Variants in CAPN11 observed in about 807,000 individuals in gnomAD.
CAPN11 encodes the protein calpain 11.
Under a neutral mutation model 105.3 loss-of-function variants are expected in CAPN11, and 108 were observed. The observed-to-expected ratio is 1.03, with a 90% CI of 0.88 to 1.20. The LOEUF (loss-of-function observed/expected upper bound fraction) is 1.20. Among genes scored for constraint, CAPN11 ranks in the 50% most tolerant of loss-of-function variants. The pLI is 0.00. For synonymous variants in CAPN11, 329 were observed against 344.5 expected (o/e 0.96, Z 0.50); for missense variants, 883 against 924.8 (o/e 0.95, Z 0.59).
chr6:44,180,695 G>C (rs374124423), intron 16 of CAPN11, 33 bp downstream of exon 16: 4 of 1,613,632 alleles, frequency 2.5e-6, no homozygotes, highest in Non-Finnish European at 3.4e-6. Flanking sequence ...GCTGACAGGA[G>C]GGGGATGAGG....
Position 44,181,429 on chromosome 6 carries a change from CACA to C in CAPN11, c.1938+110_1938+112del, listed in dbSNP as rs1773140876. 3.2e-5 allele frequency: 24 copies of C among 739,164 alleles called. 7 individuals carry two copies. The highest frequency in any genetic ancestry group is 1.5e-4 in the South Asian group (9 of 61,224). The allele number at this position is 739,164 out of a possible 1,614,324, so 45.8% of individuals were successfully genotyped here. A position where few individuals can be genotyped will look rare whatever the true frequency, so the allele number is the denominator to read the frequency against. Reference sequence around the variant, plus strand: ...CCCAAGCCCTAACCACACACACACACACACCCAACCACACCACACTCACACACA... The same window carrying C: ...CCCAAGCCCTAACCACACACACACACCCCAACCACACCACACTCACACACA... On this transcript the variant is annotated intron_variant, in intron 19 of 22. Transcript: ENST00000398776.
chr6:44,182,285 CCACACA>C (rs70993439), intron 19 of CAPN11, among the ~76,000 whole-genome samples: 40 of 59,282 alleles, frequency 6.7e-4, no homozygotes, highest in South Asian at 1.5e-3. Context: ...CACAACCACA[CCACACA>C]CACACACACA....
chr6:44,173,862 G>T (rs1167382090), intron 7 of CAPN11, among the ~76,000 whole-genome samples: 1 of 152,124 alleles, frequency 6.6e-6, no homozygotes, highest in Non-Finnish European at 1.5e-5. Context: ...GGGATTACAG[G>T]CATGAGCCAC....
At position 44,181,033 on chromosome 6, in the gene CAPN11, C is replaced by A. The variant is rs775524713; in HGVS notation, c.1869+36C>A. 2.5e-6 allele frequency: 4 copies of A among 1,588,108 alleles called. No homozygotes were observed. In the South Asian group the frequency reaches 4.4e-5, roughly 18 times the overall value. On this transcript the variant is annotated intron_variant, in intron 18 of 22. Transcript: ENST00000398776. ...GTCCAGTGCTCTCTTGGCCCTGTCCCCTGCCCACAAGCCTGGCCCAGAGAT... is the reference window on the plus strand; with the variant it reads ...GTCCAGTGCTCTCTTGGCCCTGTCCACTGCCCACAAGCCTGGCCCAGAGAT...
At chr6:44,181,091 G>C in intron 18 of CAPN11, 94 bp downstream of exon 18, 1 of 1,266,620 alleles carries the variant, frequency 7.9e-7, no homozygotes, top group Non-Finnish European at 1.2e-6. Flanking sequence ...CCTCCTCCCT[G>C]ATGGGGATTA....
chr6:44,179,597 C>G, intron 12 of CAPN11, 22 bp from the exon 13 acceptor site: 1 of 1,612,052 alleles, frequency 6.2e-7, no homozygotes, highest in Non-Finnish European at 8.5e-7. Flanking sequence ...AGATCTGACT[C>G]TCCTCTTTCT....
chr6:44,176,228 C>G (rs745583500), intron 8 of CAPN11, 25 bp from the exon 9 acceptor site: 1 of 1,612,178 alleles, frequency 6.2e-7, no homozygotes, highest in Admixed American at 1.7e-5. Flanking sequence ...ATAACTCTGA[C>G]CTTTAACCAC....
intron 1 of CAPN11, among the ~76,000 whole-genome samples, chr6:44,166,249 T>C (rs1370656289): frequency 2.0e-5 from 3 of 152,172 alleles, no homozygotes; most frequent in African/African-American, 7.2e-5. Flanking sequence ...TCTGCCAGCC[T>C]TCAGGCTGAG....
rs761183830 is a variant in CAPN11, at chr6:44,169,504, G to A, written c.312G>A (p.Val104=). The change falls in exon 3 of 23, where the codon GTG becomes GTA. Residue 104 remains valine, a synonymous_variant. Coordinates refer to ENST00000398776, the MANE Select transcript of CAPN11 (RefSeq NM_007058.4). ...ACCTGGGCCCCAACTCCAAAAATGT[G>A]CAGAACATCTCCTGGCAGCGGCCCA... ...FKDLGPNSKN[V]QNISWQRPKD... The A allele has an allele frequency of 3.1e-6, 5 of 1,598,420 alleles. No individual in the cohort carries two copies. Among genetic ancestry groups the A allele is most frequent in the South Asian group, 1.1e-5 (1 of 88,464 alleles).
chr6:44,180,231 G>A (rs1284255966), intron 14 of CAPN11, 68 bp downstream of exon 14: 16 of 1,201,290 alleles, frequency 1.3e-5, no homozygotes, highest in Non-Finnish European at 1.8e-5. Context: ...AGCTCAGGGA[G>A]CTGCTGTCGG....
At chr6:44,181,705 A>T (rs1206821010) in intron 19 of CAPN11, among the ~76,000 whole-genome samples, 4 of 32,120 alleles carry the variant, frequency 1.2e-4, no homozygotes, top group East Asian at 5.9e-4. Context: ...CACCACACTC[A>T]CACACACACA....
At chr6:44,170,677 A>G (rs1201994304) in intron 4 of CAPN11, among the ~76,000 whole-genome samples, 1 of 152,178 alleles carries the variant, frequency 6.6e-6, no homozygotes, top group Non-Finnish European at 1.5e-5. Context: ...TCTGGTCCAC[A>G]CTCAAGAGGA....
chr6:44,183,630 AC>A, intron 21 of CAPN11, 74 bp from the exon 22 acceptor site: 1 of 1,398,652 alleles, frequency 7.1e-7, no homozygotes, highest in South Asian at 1.2e-5. Flanking sequence ...GCCCCTTCCT[AC>A]CTAGTTGGGA....
intron 13 of CAPN11, 157 bp downstream of exon 13, chr6:44,179,787 G>A: frequency 1.1e-6 from 1 of 936,204 alleles, no homozygotes; most frequent in Admixed American, 1.9e-5. Flanking sequence ...GTCGGGAAAG[G>A]AAGAGACCCT....
chr6:44,176,996 C>T lies in CAPN11; in HGVS notation c.1235C>T (p.Pro412Leu), dbSNP rs62635805. 1,229 of 1,610,012 alleles carry T rather than the reference C, an allele frequency of 7.6e-4. 8 individuals carry two copies. In the African/African-American group the frequency reaches 0.014, roughly 18 times the overall value. Residue 412 changes from proline (P) to leucine (L), a missense_variant and splice_region_variant, in exon 11 of 23, where the codon CCT (proline) becomes CTT (leucine). Pro to Leu is a moderately conservative substitution (Grantham distance 98). Coordinates refer to ENST00000398776, the MANE Select transcript of CAPN11 (RefSeq NM_007058.4). ...GSSAGGCRNHPGTFWTNPQFK... is the reference protein window; with the variant it reads ...GSSAGGCRNHLGTFWTNPQFK... ...TCCGCAGGGGGCTGCAGGAACCACC[C>T]TGGTGGGTGAGGGGTGAGAGGGGAG...
chr6:44,161,849 A>G (rs1041800730), intron 1 of CAPN11: 5 of 456,118 alleles, frequency 1.1e-5, no homozygotes, highest in African/African-American at 4.0e-5. Context: ...GGCTGCCTGG[A>G]GTGACTGCAC....
Position 44,180,053 on chromosome 6 carries a change from C to A in CAPN11, c.1530C>A (p.Ser510Arg). The A allele has an allele frequency of 6.2e-7, 1 of 1,613,134 alleles. No individual in the cohort carries two copies. The highest frequency in any genetic ancestry group is 8.5e-7 in the Non-Finnish European group (1 of 1,179,148). Reference sequence around the variant, plus strand: ...TCACCAACTCACGGGAGGTGAGCAGCCAACTCCGGCTGCCTCCGGGGGAAT... The same window carrying A: ...TCACCAACTCACGGGAGGTGAGCAGACAACTCCGGCTGCCTCCGGGGGAAT... ...EIFTNSREVS[S>R]QLRLPPGEYI... Residue 510 changes from serine to arginine, a missense_variant, in exon 14 of 23, where the codon AGC becomes AGA. Coordinates refer to ENST00000398776, the MANE Select transcript of CAPN11 (RefSeq NM_007058.4).
Position 44,173,376 on chromosome 6 carries a change from G to C in CAPN11, c.821G>C (p.Cys274Ser), listed in dbSNP as rs1470422630. The C allele has an allele frequency of 6.2e-7, 1 of 1,608,808 alleles. No homozygotes were observed. Among genetic ancestry groups the C allele is most frequent in the Admixed American group, 1.7e-5 (1 of 59,096 alleles). The change falls in exon 7 of 23, where the codon TGC becomes TCC. Residue 274 changes from cysteine to serine, a missense_variant. Coordinates refer to ENST00000398776, the MANE Select transcript of CAPN11 (RefSeq NM_007058.4). Reference protein sequence around the residue: ...KAVERSSLMGCSIEVTSDSEL... With the variant: ...KAVERSSLMGSSIEVTSDSEL... ...GTGGAGCGATCCTCCCTCATGGGTT[G>C]CTCCATTGAAGTAAGCAAAGCATGG...
chr6:44,173,310 A>G lies in CAPN11; in HGVS notation c.755A>G (p.Gln252Arg). 1.2e-6 allele frequency: 2 copies of G among 1,613,932 alleles called. No individual in the cohort carries two copies. The highest frequency in any genetic ancestry group is 8.5e-7 in the Non-Finnish European group (1 of 1,179,866). The change falls in exon 7 of 23, where the codon CAG becomes CGG. Residue 252 changes from glutamine to arginine, a missense_variant. Coordinates refer to ENST00000398776, the MANE Select transcript of CAPN11 (RefSeq NM_007058.4). Reference protein sequence around the residue: ...TGGVAQSFQLQRPPQNLLRLL... With the variant: ...TGGVAQSFQLRRPPQNLLRLL... ...GGCGTGGCCCAGAGCTTCCAACTCC[A>G]GAGGCCCCCTCAGAACCTGCTCAGG...
Sources: allele counts gnomAD v4.1 joint callset (sites outside exome capture counted in the v4.1 genomes callset), GRCh38; gene constraint gnomAD v4.1.1; transcripts MANE v1.5; gene names NCBI Gene and HGNC (gene_info 2026-07-23, HGNC 2026-07-21).